SP4: variants seen among roughly 807,000 people sequenced by gnomAD.
The protein encoded by SP4 is transcription factor Sp4.
A neutral mutation model predicts 72.8 loss-of-function variants in SP4; 19 were observed. That is an observed-to-expected ratio of 0.26 (90% CI 0.18 to 0.38). The LOEUF (loss-of-function observed/expected upper bound fraction) is 0.38. Ranked by LOEUF, SP4 falls within the 10% of genes least tolerant of loss-of-function variation. The pLI is 1.00. For missense variants in SP4, 1,008 were observed against 926.3 expected, an observed-to-expected ratio of 1.09 and a Z score of -1.14; for synonymous variants, 395 against 333.1, an observed-to-expected ratio of 1.19 and a Z score of -2.02.
In SP4 at chr7:21,430,026, T is replaced by A; in HGVS notation, c.861T>A (p.Ala287=). The A allele has an allele frequency of 6.2e-7, 1 of 1,614,206 alleles. No individual in the cohort carries two copies. Among genetic ancestry groups the A allele is most frequent in the South Asian group, 1.1e-5 (1 of 91,086 alleles). The stretch of plus-strand genomic sequence containing the variant: ...GGACTGGGCAGGTTGGCCAGCCTGC[T>A]GCTACTGCTGATAGTGGGACTTCCA... ...GGGTGQVGQP[A]ATADSGTSNG... Residue 287 remains alanine, a synonymous_variant, in exon 3 of 6, where the codon GCT becomes GCA. Transcript: ENST00000222584.
Position 21,430,222 on chromosome 7 carries a change from A to G in SP4, c.1057A>G (p.Ser353Gly). 3 of 1,614,198 alleles carry G rather than the reference A, an allele frequency of 1.9e-6. No individual in the cohort carries two copies. Among genetic ancestry groups the G allele is most frequent in the South Asian group, 2.2e-5 (2 of 91,086 alleles). The stretch of plus-strand genomic sequence containing the variant: ...TGGCCAGTATGCAAGCACATCAGCC[A>G]GTAGTTCTGAACGCACCATTGAAGA... ...DTGQYASTSA[S>G]SSERTIEESQ... The change falls in exon 3 of 6, where the codon AGT (serine) becomes GGT (glycine). Residue 353 changes from serine to glycine, a missense_variant. Transcript: ENST00000222584.
At position 21,428,333 on chromosome 7, in the gene SP4, C is replaced by T. The variant is rs531376539; in HGVS notation, c.7+75C>T. On this transcript the variant is annotated intron_variant, in intron 1 of 5. Transcript: ENST00000222584. ...CTCCCTCCCCAGACCCTGCTCGGTT[C>T]TCCCCCCTCCCCCGGGGCCGCTGAG... The T allele has an allele frequency of 1.3e-4, 98 of 746,300 alleles. 1 individual carries two copies. The African/African-American group carries it at 1.5e-3, about 11-fold the overall frequency. 46.2% of individuals were successfully genotyped at this position (746,300 alleles called of 1,614,324 possible).
At chr7:21,497,939 C>T (rs1781764543) in intron 5 of SP4, among the ~76,000 whole-genome samples, 2 of 152,186 alleles carry the variant, frequency 1.3e-5, no homozygotes, top group Non-Finnish European at 2.9e-5. Context: ...AACTGCCTAT[C>T]AATCTTAGTC....
At chr7:21,440,047 G>C (rs1783191420) in intron 3 of SP4, among the ~76,000 whole-genome samples, 1 of 152,210 alleles carries the variant, frequency 6.6e-6, no homozygotes, top group Non-Finnish European at 1.5e-5. Flanking sequence ...TGCTTGATCA[G>C]AGGTATGGTT....
chr7:21,429,728 C>T lies in SP4; in HGVS notation c.563C>T (p.Ser188Phe), dbSNP rs1009686572. ...CAAATCAATCCAACTAGTAGTTCAT[C>T]TCTACAGGATTTGCAGGGTCAAATT... ...QIQINPTSSSSLQDLQGQIQL... is the reference protein window; with the variant it reads ...QIQINPTSSSFLQDLQGQIQL... Residue 188 changes from serine (S) to phenylalanine (F), a missense_variant, in exon 3 of 6, where the codon TCT (serine) becomes TTT (phenylalanine). This residue lies in a region of SP4 where 893 missense variants were observed against 743.3 expected (regional missense o/e 1.20). Coordinates refer to ENST00000222584, the MANE Select transcript of SP4 (RefSeq NM_003112.5). The T allele has an allele frequency of 1.2e-6, 2 of 1,614,074 alleles. No individual in the cohort carries two copies. Among genetic ancestry groups the T allele is most frequent in the African/African-American group, 1.3e-5 (1 of 74,934 alleles).
chr7:21,471,807 C>G (rs1784353908), intron 3 of SP4, among the ~76,000 whole-genome samples: 1 of 152,146 alleles, frequency 6.6e-6, no homozygotes. Context: ...GTACTCTAGC[C>G]TGGGCAAGAG....
chr7:21,461,744 G>A (rs761519943), intron 3 of SP4, among the ~76,000 whole-genome samples: 4 of 152,210 alleles, frequency 2.6e-5, no homozygotes, highest in Non-Finnish European at 2.9e-5. Flanking sequence ...AATGGGCGCC[G>A]AGGCCGAGGA....
intron 5 of SP4, among the ~76,000 whole-genome samples, chr7:21,508,643 G>T (rs1039037519): frequency 2.0e-5 from 3 of 151,830 alleles, no homozygotes; most frequent in Non-Finnish European, 2.9e-5. Flanking sequence ...CAGTTTGTTT[G>T]TTTTTTTAAG....
chr7:21,481,518 C>CA, intron 4 of SP4, among the ~76,000 whole-genome samples: 1 of 152,264 alleles, frequency 6.6e-6, no homozygotes. Flanking sequence ...CACTGGGAAA[C>CA]AGATCCATGG....
chr7:21,428,179 T>TGCCCCCCCCCCCCCCCC lies in SP4; in HGVS notation c.-73_-72insGCCCCCCCCCCCCCCCC. 4 of 600,792 alleles carry TGCCCCCCCCCCCCCCCC rather than the reference T, an allele frequency of 6.7e-6. No homozygotes were observed. The highest frequency in any genetic ancestry group is 9.5e-6 in the Non-Finnish European group (3 of 315,458). The allele number at this position is 600,792 out of a possible 1,614,324, so 37.2% of individuals were successfully genotyped here. A position where few individuals can be genotyped will look rare whatever the true frequency, so the allele number is the denominator to read the frequency against. On this transcript the variant is annotated 5_prime_UTR_variant, in exon 1 of 6. Coordinates refer to ENST00000222584, the MANE Select transcript of SP4 (RefSeq NM_003112.5). Reference sequence around the variant, plus strand: ...GCGGGCGGGCGGGACCGGCCTCTCCTCCCGCCTCGCCCCCACCCCCACCCA... The same window carrying TGCCCCCCCCCCCCCCCC: ...GCGGGCGGGCGGGACCGGCCTCTCCTGCCCCCCCCCCCCCCCCCCCGCCTCGCCCCCACCCCCACCCA...
rs1160891069 is a variant in SP4 at position 21,511,103 on chromosome 7, A to G, written c.2189A>G (p.Gln730Arg). The change falls in exon 6 of 6, where the codon CAG (glutamine) becomes CGG (arginine). Residue 730 changes from glutamine to arginine, a missense_variant. Gln to Arg is a conservative substitution (Grantham distance 43, BLOSUM62 1). This residue lies in a region of SP4 where 67 missense variants were observed against 66.1 expected (regional missense o/e 1.01). Coordinates refer to ENST00000222584, the MANE Select transcript of SP4 (RefSeq NM_003112.5). ...CTCTCCAAACATGTCAAAACGCACCAGAATAAAAAAGGTGGTGGGACAGCT... is the reference window on the plus strand; with the variant it reads ...CTCTCCAAACATGTCAAAACGCACCGGAATAAAAAAGGTGGTGGGACAGCT... The part of the protein sequence containing the change: ...DHLSKHVKTH[Q>R]NKKGGGTALA... 6.2e-7 allele frequency: 1 copy of G among 1,614,228 alleles called. No individual in the cohort carries two copies.
At chr7:21,451,029 A>G (rs1783578986) in intron 3 of SP4, among the ~76,000 whole-genome samples, 1 of 152,106 alleles carries the variant, frequency 6.6e-6, no homozygotes, top group African/African-American at 2.4e-5. Flanking sequence ...AGGTTGTGTT[A>G]CTTCTTGCAT....
intron 5 of SP4, among the ~76,000 whole-genome samples, chr7:21,496,578 T>C (rs879609615): frequency 3.9e-5 from 6 of 152,252 alleles, no homozygotes; most frequent in Admixed American, 3.9e-4. Context: ...TCTTTGTCTT[T>C]GTCTTTCAGC....
At chr7:21,456,647 A>G (rs1048953494) in intron 3 of SP4, among the ~76,000 whole-genome samples, 12 of 152,350 alleles carry the variant, frequency 7.9e-5, no homozygotes, top group Admixed American at 7.8e-4. Context: ...AGGCCATTTC[A>G]GATTACCCAC....
At chr7:21,454,522 A>G (rs1177704044) in intron 3 of SP4, among the ~76,000 whole-genome samples, 1 of 152,134 alleles carries the variant, frequency 6.6e-6, no homozygotes. Flanking sequence ...TTCCTTACCA[A>G]AAATACCTCT....
intron 3 of SP4, among the ~76,000 whole-genome samples, chr7:21,463,848 T>C (rs1015159187): frequency 3.9e-5 from 6 of 152,226 alleles, no homozygotes; most frequent in African/African-American, 1.4e-4. Flanking sequence ...TATAGATTTA[T>C]TTGATCTTTA....
intron 5 of SP4, among the ~76,000 whole-genome samples, chr7:21,483,939 C>T (rs996024422): frequency 6.6e-6 from 1 of 151,516 alleles, no homozygotes; most frequent in Non-Finnish European, 1.5e-5. Flanking sequence ...ACATGTGGGA[C>T]AAAGGGAGAA....
At chr7:21,503,746 T>G (rs561774194) in intron 5 of SP4, among the ~76,000 whole-genome samples, 2 of 152,244 alleles carry the variant, frequency 1.3e-5, no homozygotes, top group Non-Finnish European at 2.9e-5. Context: ...TGAAATCTAC[T>G]TGAATGCTTT....
chr7:21,455,795 A>G (rs375193318), intron 3 of SP4, among the ~76,000 whole-genome samples: 136 of 152,256 alleles, frequency 8.9e-4, no homozygotes, highest in Middle Eastern at 3.4e-3. Flanking sequence ...GCCAGCCTAT[A>G]TCTTTGTCTT....
Sources: gnomAD v4.1 joint callset for allele counts (sites outside exome capture counted in the v4.1 genomes callset) on GRCh38, gnomAD v4.1.1 for gene constraint, gnomAD v4.1.1 regional missense constraint, MANE v1.5 for transcripts, NCBI Gene and HGNC (gene_info 2026-07-23, HGNC 2026-07-21) for gene names.